The following PLEKHA3 variants were observed in gnomAD, a reference collection of about 807,000 sequenced individuals.
PLEKHA3 encodes the protein pleckstrin homology domain containing A3, also known as pleckstrin homology domain-containing family A member 3.
In PLEKHA3, 19 loss-of-function variants were observed where a neutral mutation model predicts 39.2. The ratio of observed to expected loss-of-function variants is 0.48; its 90% CI spans 0.34 to 0.71. The LOEUF (loss-of-function observed/expected upper bound fraction) is 0.71. Ranked by LOEUF, PLEKHA3 falls within the 30% of genes least tolerant of loss-of-function variation. The pLI is 0.01. For synonymous variants in PLEKHA3, 97 were observed against 118.6 expected (o/e 0.82, Z 1.18); for missense variants, 253 against 359.5 (o/e 0.70, Z 2.40).
intron 1 of PLEKHA3, among the ~76,000 whole-genome samples, chr2:178,481,503 G>A (rs949101701): frequency 6.6e-6 from 1 of 152,208 alleles, no homozygotes; most frequent in African/African-American, 2.4e-5. Flanking sequence ...GTGGAAGAAA[G>A]TGTCAATACA....
chr2:178,482,384 C>T (rs772893698), intron 1 of PLEKHA3, among the ~76,000 whole-genome samples: 33 of 151,524 alleles, frequency 2.2e-4, no homozygotes, highest in South Asian at 4.2e-4. Flanking sequence ...AAAACAAAAA[C>T]AAAAAACAGC....
intron 2 of PLEKHA3, among the ~76,000 whole-genome samples, chr2:178,487,173 T>C (rs780163596): frequency 6.6e-6 from 1 of 152,142 alleles, no homozygotes; most frequent in South Asian, 2.1e-4. Flanking sequence ...CCTAACAGGA[T>C]TCTTGCTGAA....
At chr2:178,485,089 A>G (rs1232852610) in intron 1 of PLEKHA3, among the ~76,000 whole-genome samples, 1 of 152,254 alleles carries the variant, frequency 6.6e-6, no homozygotes, top group African/African-American at 2.4e-5. Context: ...TGTATTTTAT[A>G]AGAGGCACAT....
At chr2:178,502,252 C>T (rs1685537715) in intron 7 of PLEKHA3, 10 of 167,240 alleles carry the variant, frequency 6.0e-5, no homozygotes, top group South Asian at 1.4e-4. Context: ...TTAATGCCCA[C>T]TTTTTTTTTA....
intron 7 of PLEKHA3, chr2:178,502,613 A>C (rs1350067594): frequency 1.3e-5 from 2 of 159,316 alleles, no homozygotes; most frequent in African/African-American, 5.0e-5. Flanking sequence ...TTTTAAGGGG[A>C]TCATTTGTGA....
At position 178,514,346 on chromosome 2, in the gene PLEKHA3, G is replaced by GGGCAAT. The variant is rs1290678039; in HGVS notation, c.*10461_*10462insCAATGG. On this transcript the variant is annotated 3_prime_UTR_variant, in exon 8 of 8. Transcript: ENST00000234453. ...TAAGAGGGTGTGGGGAATGGTGGCA[G>GGGCAAT]GGGTAACTATCATCGAGAATATAGG... 1 of 152,082 alleles carries GGGCAAT rather than the reference G, an allele frequency of 6.6e-6. No homozygotes were observed. Among genetic ancestry groups the GGGCAAT allele is most frequent in the Non-Finnish European group, 1.5e-5 (1 of 68,004 alleles). The allele number at this position is 152,082 out of a possible 1,614,324, so 9.4% of individuals were successfully genotyped here.
chr2:178,487,637 C>G (rs558017259), intron 2 of PLEKHA3, among the ~76,000 whole-genome samples: 1 of 152,024 alleles, frequency 6.6e-6, no homozygotes, highest in Non-Finnish European at 1.5e-5. Flanking sequence ...TGGGATTTCA[C>G]CGTGTTGCAA....
In PLEKHA3 at chr2:178,516,374, G is replaced by A. The variant is rs1685764636; in HGVS notation, c.*12487G>A. Reference sequence around the variant, plus strand: ...TTTTTTCTTTTCCAAATTCCAAAAGGTGTATACTCTATATTTTTGTCATAA... The same window carrying A: ...TTTTTTCTTTTCCAAATTCCAAAAGATGTATACTCTATATTTTTGTCATAA... On this transcript the variant is annotated 3_prime_UTR_variant, in exon 8 of 8. Transcript: ENST00000234453. 6.6e-6 allele frequency: 1 copy of A among 151,820 alleles called. No homozygotes were observed. 9.4% of individuals were successfully genotyped at this position (151,820 alleles called of 1,614,324 possible). A position where few individuals can be genotyped will look rare whatever the true frequency, so the allele number is the denominator to read the frequency against.
Position 178,503,866 on chromosome 2 carries a change from T to C in PLEKHA3, c.882T>C (p.Thr294=). ...MAKKQSESED[T]LPSFSS ...AAAAACAATCTGAATCAGAAGATAC[T>C]CTTCCATCCTTCTCTTCCTGAAGAA... The change falls in exon 8 of 8, where the codon ACT becomes ACC. Residue 294 remains threonine (T), a synonymous_variant. Transcript: ENST00000234453. 6 of 1,611,614 alleles carry C rather than the reference T, an allele frequency of 3.7e-6. No homozygotes were observed. The highest frequency in any genetic ancestry group is 5.1e-6 in the Non-Finnish European group (6 of 1,178,134).
chr2:178,496,672 T>G (rs1325497682), intron 5 of PLEKHA3, among the ~76,000 whole-genome samples: 1 of 152,166 alleles, frequency 6.6e-6, no homozygotes, highest in Non-Finnish European at 1.5e-5. Flanking sequence ...TTAAATGATA[T>G]GAATTGGGTT....
intron 1 of PLEKHA3, among the ~76,000 whole-genome samples, chr2:178,483,156 G>A (rs188512438): frequency 6.6e-6 from 1 of 152,064 alleles, no homozygotes; most frequent in Non-Finnish European, 1.5e-5. Context: ...CTACTTGGGA[G>A]GTTGAGGCAT....
At position 178,510,557 on chromosome 2, in the gene PLEKHA3, C is replaced by G. The variant is rs369044081; in HGVS notation, c.*6670C>G. 1 of 153,702 alleles carries G rather than the reference C, an allele frequency of 6.5e-6. No homozygotes were observed. Among genetic ancestry groups the G allele is most frequent in the African/African-American group, 2.4e-5 (1 of 41,428 alleles). The allele number at this position is 153,702 out of a possible 1,614,324, so 9.5% of individuals were successfully genotyped here. A position where few individuals can be genotyped will look rare whatever the true frequency, so the allele number is the denominator to read the frequency against. On this transcript the variant is annotated 3_prime_UTR_variant, in exon 8 of 8. Coordinates refer to ENST00000234453, the MANE Select transcript of PLEKHA3 (RefSeq NM_019091.4). Reference sequence around the variant, plus strand: ...ACCCTCATGAATAGATTAATGCCGCCGTGTAAAGGGCTTGTGGGCGTGGGT... The same window carrying G: ...ACCCTCATGAATAGATTAATGCCGCGGTGTAAAGGGCTTGTGGGCGTGGGT...
chr2:178,492,512 A>G (rs1440039417), intron 3 of PLEKHA3, among the ~76,000 whole-genome samples: 1 of 151,024 alleles, frequency 6.6e-6, no homozygotes, highest in Non-Finnish European at 1.5e-5. Flanking sequence ...TGGTAGATAT[A>G]CCTAATGCTA....
chr2:178,515,079 C>T lies in PLEKHA3; in HGVS notation c.*11192C>T, dbSNP rs1368936040. On this transcript the variant is annotated 3_prime_UTR_variant, in exon 8 of 8. Coordinates refer to ENST00000234453, the MANE Select transcript of PLEKHA3 (RefSeq NM_019091.4). Reference sequence around the variant, plus strand: ...TTTTTTTTGTAGCATATGGCTTCCTCTACTGTATGTTGGCATTTGCCACTT... The same window carrying T: ...TTTTTTTTGTAGCATATGGCTTCCTTTACTGTATGTTGGCATTTGCCACTT... 2.3e-5 allele frequency: 3 copies of T among 131,096 alleles called. No homozygotes were observed. The highest frequency in any genetic ancestry group is 8.4e-5 in the Admixed American group (1 of 11,916). 8.1% of individuals were successfully genotyped at this position (131,096 alleles called of 1,614,324 possible).
intron 1 of PLEKHA3, among the ~76,000 whole-genome samples, chr2:178,484,821 G>A (rs1434607285): frequency 2.6e-5 from 4 of 152,226 alleles, no homozygotes; most frequent in Admixed American, 2.0e-4. Flanking sequence ...GGAATTGGGT[G>A]CCAAGGAAAG....
In PLEKHA3 at chr2:178,506,319, A is replaced by C; in HGVS notation, c.*2432A>C. ...AAAAGCAGTGCTTGTTTTTCATTTC[A>C]AGTGCTTGCTCACTATTCTTTGGGA... On this transcript the variant is annotated 3_prime_UTR_variant, in exon 8 of 8. Transcript: ENST00000234453. 1 of 152,114 alleles carries C rather than the reference A, an allele frequency of 6.6e-6. No homozygotes were observed. The highest frequency in any genetic ancestry group is 1.5e-5 in the Non-Finnish European group (1 of 67,994). 9.4% of individuals were successfully genotyped at this position (152,114 alleles called of 1,614,324 possible). A position where few individuals can be genotyped will look rare whatever the true frequency, so the allele number is the denominator to read the frequency against.
At chr2:178,485,200 T>C (rs1403494831) in intron 1 of PLEKHA3, among the ~76,000 whole-genome samples, 1 of 152,254 alleles carries the variant, frequency 6.6e-6, no homozygotes, top group Non-Finnish European at 1.5e-5. Flanking sequence ...TGAAAAGATT[T>C]GTCCCCAGGG....
At chr2:178,488,418 T>C (rs901900636) in intron 2 of PLEKHA3, among the ~76,000 whole-genome samples, 3 of 152,272 alleles carry the variant, frequency 2.0e-5, no homozygotes, top group Non-Finnish European at 4.4e-5. Flanking sequence ...GAATGTTTAT[T>C]GTTTTACCTT....
At position 178,485,624 on chromosome 2, in the gene PLEKHA3, A is replaced by G. The variant is rs556380161; in HGVS notation, c.41-17A>G. The G allele has an allele frequency of 3.9e-6, 6 of 1,530,916 alleles. No homozygotes were observed. The highest frequency in any genetic ancestry group is 5.4e-6 in the Non-Finnish European group (6 of 1,107,206). The allele number at this position is 1,530,916 out of a possible 1,614,324, so 94.8% of individuals were successfully genotyped here. ...ATGTGTTTCCAATTGACCTTTTGTT[A>G]TTTATGGTCTTTTTAGGCTGGCAGC... On this transcript the variant is annotated splice_polypyrimidine_tract_variant and intron_variant, in intron 1 of 7. Coordinates refer to ENST00000234453, the MANE Select transcript of PLEKHA3 (RefSeq NM_019091.4).
Sources: allele counts gnomAD v4.1 joint callset (sites outside exome capture counted in the v4.1 genomes callset), GRCh38; gene constraint gnomAD v4.1.1; transcripts MANE v1.5; gene names NCBI Gene and HGNC (gene_info 2026-07-23, HGNC 2026-07-21).